Variants in CNTN6 observed in about 807,000 individuals in gnomAD.
CNTN6 encodes the protein contactin-6.
Under a neutral mutation model 122.8 loss-of-function variants are expected in CNTN6, and 137 were observed. The observed-to-expected ratio is 1.12, with a 90% CI of 0.97 to 1.29. The LOEUF is 1.29. Among genes scored for constraint, CNTN6 ranks in the 50% most tolerant of loss-of-function variants. CNTN6 has a pLI of 0.00. For synonymous variants in CNTN6, 570 were observed against 426.0 expected, an observed-to-expected ratio of 1.34 and a Z score of -4.16; for missense variants, 1,634 against 1,223.4, an observed-to-expected ratio of 1.34 and a Z score of -5.01.
At chr3:1,156,856 T>G (rs72999823) in intron 2 of CNTN6, among the ~76,000 whole-genome samples, 27,393 of 151,882 alleles carry the variant, frequency 0.18, 3,311 homozygotes, top group African/African-American at 0.33. Context: ...TAGCTGGGAC[T>G]ATAAGCATGC....
At chr3:1,125,213 C>G (rs568237278) in intron 1 of CNTN6, among the ~76,000 whole-genome samples, 13 of 151,798 alleles carry the variant, frequency 8.6e-5, no homozygotes, top group African/African-American at 3.1e-4. Context: ...CTGTCTTGGC[C>G]CTAATTGACT....
intron 3 of CNTN6, among the ~76,000 whole-genome samples, chr3:1,224,908 G>A (rs1056066703): frequency 1.3e-5 from 2 of 152,040 alleles, no homozygotes; most frequent in Admixed American, 6.6e-5. Flanking sequence ...ACTATGCCCG[G>A]CTAATTTTTG....
intron 11 of CNTN6, among the ~76,000 whole-genome samples, chr3:1,350,137 A>G (rs1357807401): frequency 6.6e-6 from 1 of 151,878 alleles, no homozygotes; most frequent in Non-Finnish European, 1.5e-5. Context: ...TAGTAAATAG[A>G]TCAGTACTTC....
intron 12 of CNTN6, among the ~76,000 whole-genome samples, chr3:1,367,079 A>G (rs1235823810): frequency 6.6e-6 from 1 of 152,128 alleles, no homozygotes; most frequent in African/African-American, 2.4e-5. Flanking sequence ...ATATAATGTG[A>G]TATTTTGATA....
intron 1 of CNTN6, among the ~76,000 whole-genome samples, chr3:1,127,031 T>C (rs981496189): frequency 6.6e-6 from 1 of 151,582 alleles, no homozygotes; most frequent in African/African-American, 2.4e-5. Context: ...TAATACAAAT[T>C]ATATAAAAGT....
chr3:1,358,315 T>C (rs540546429), intron 12 of CNTN6, among the ~76,000 whole-genome samples: 1 of 152,124 alleles, frequency 6.6e-6, no homozygotes, highest in Admixed American at 6.6e-5. Context: ...TGCTCACTTG[T>C]TTCTTGAGTT....
At chr3:1,240,828 C>A (rs2094473320) in intron 4 of CNTN6, among the ~76,000 whole-genome samples, 1 of 152,132 alleles carries the variant, frequency 6.6e-6, no homozygotes, top group African/African-American at 2.4e-5. Flanking sequence ...AACCCATGCA[C>A]CTTCACGTGG....
intron 8 of CNTN6, among the ~76,000 whole-genome samples, chr3:1,324,390 C>T (rs758269455): frequency 6.7e-6 from 1 of 149,674 alleles, no homozygotes; most frequent in Non-Finnish European, 1.5e-5. Flanking sequence ...CTACGGTGGC[C>T]AGTTCAGCAC....
chr3:1,194,627 A>C (rs576361612), intron 2 of CNTN6, among the ~76,000 whole-genome samples: 1 of 151,720 alleles, frequency 6.6e-6, no homozygotes, highest in Non-Finnish European at 1.5e-5. Flanking sequence ...CACAAAGGAG[A>C]CTTTTGAGAC....
intron 4 of CNTN6, among the ~76,000 whole-genome samples, chr3:1,268,688 T>C (rs1017470672): frequency 1.3e-5 from 2 of 152,168 alleles, no homozygotes; most frequent in African/African-American, 4.8e-5. Flanking sequence ...GTCTCCTTTT[T>C]GTTTTTTTCC....
intron 2 of CNTN6, among the ~76,000 whole-genome samples, chr3:1,211,843 CAAG>C (rs1220484548): frequency 6.6e-6 from 1 of 152,102 alleles, no homozygotes; most frequent in Non-Finnish European, 1.5e-5. Context: ...CACCAGAGCC[CAAG>C]AAGAACATAT....
intron 14 of CNTN6, 68 bp from the exon 15 acceptor site, chr3:1,373,536 C>A (rs540253097): frequency 1.4e-6 from 2 of 1,464,748 alleles, no homozygotes; most frequent in Admixed American, 2.2e-5. Flanking sequence ...TAAAAATAAA[C>A]CATCCTAGTA....
intron 2 of CNTN6, among the ~76,000 whole-genome samples, chr3:1,198,172 C>T (rs1257807740): frequency 6.6e-6 from 1 of 152,024 alleles, no homozygotes; most frequent in Non-Finnish European, 1.5e-5. Flanking sequence ...CAAAGAACTG[C>T]CTATTAATAA....
chr3:1,358,823 C>G (rs187746543), intron 12 of CNTN6, among the ~76,000 whole-genome samples: 3 of 152,124 alleles, frequency 2.0e-5, no homozygotes, highest in Admixed American at 2.0e-4. Context: ...GTAATCCCAG[C>G]ACTTTGAAAG....
intron 1 of CNTN6, among the ~76,000 whole-genome samples, chr3:1,115,815 C>T (rs1055040089): frequency 6.6e-6 from 1 of 151,850 alleles, no homozygotes; most frequent in Admixed American, 6.6e-5. Context: ...AATTTGAGGA[C>T]GTTTCAGTTA....
At chr3:1,255,261 C>T (rs1297015034) in intron 4 of CNTN6, among the ~76,000 whole-genome samples, 1 of 151,972 alleles carries the variant, frequency 6.6e-6, no homozygotes, top group Non-Finnish European at 1.5e-5. Context: ...GCTGCAAAGT[C>T]ATTGCAATAG....
At chr3:1,283,709 G>A (rs1040319400) in intron 5 of CNTN6, among the ~76,000 whole-genome samples, 2 of 152,242 alleles carry the variant, frequency 1.3e-5, no homozygotes, top group South Asian at 2.1e-4. Flanking sequence ...GGTTGGATAT[G>A]AAACTCTCGG....
chr3:1,225,304 A>G (rs2094266219), intron 3 of CNTN6, among the ~76,000 whole-genome samples: 1 of 152,200 alleles, frequency 6.6e-6, no homozygotes, highest in South Asian at 2.1e-4. Flanking sequence ...TGATTTAGAC[A>G]TATTAATTAG....
In CNTN6 at chr3:1,180,213, A is replaced by AAG. The variant is rs983486840; in HGVS notation, c.55+32162_55+32163dup. Among the ~76,000 whole-genome samples, 7 of 152,166 alleles carry AAG rather than the reference A, an allele frequency of 4.6e-5. No individual in the cohort carries two copies. The East Asian group carries it at 5.8e-4, about 13-fold the overall frequency. The stretch of plus-strand genomic sequence containing the variant: ...AAAGAGTAAATGAAAGAGAAGGAGA[A>AAG]AGAGAGAGAGAGACAGTGAGAGAAA... On this transcript the variant is annotated intron_variant, in intron 2 of 22. Transcript: ENST00000446702.
Sources: gnomAD v4.1 joint callset for allele counts (sites outside exome capture counted in the v4.1 genomes callset) on GRCh38, gnomAD v4.1.1 for gene constraint, MANE v1.5 for transcripts, NCBI Gene and HGNC (gene_info 2026-07-23, HGNC 2026-07-21) for gene names.